NRXN3: variants seen among roughly 807,000 people sequenced by gnomAD.
The protein encoded by NRXN3 is neurexin III.
Under a neutral mutation model 137.6 loss-of-function variants are expected in NRXN3, and 32 were observed. That is an observed-to-expected ratio of 0.23 (90% CI 0.18 to 0.31). The LOEUF (loss-of-function observed/expected upper bound fraction) is 0.31, where lower values mean the gene tolerates loss of function less well. Among genes scored for constraint, NRXN3 ranks in the 10% least tolerant of loss-of-function variants. The pLI is 1.00. For missense variants in NRXN3, 1,574 were observed against 2,062.5 expected (o/e 0.76, Z 4.59); for synonymous variants, 798 against 784.5 (o/e 1.02, Z -0.29).
At chr14:78,585,903 T>C (rs2097057512) in intron 4 of NRXN3, among the ~76,000 whole-genome samples, 1 of 152,202 alleles carries the variant, frequency 6.6e-6, no homozygotes, top group Non-Finnish European at 1.5e-5. Context: ...GCTAGAATTA[T>C]GGATTTGAGA....
At chr14:78,468,779 T>C (rs923420125) in intron 4 of NRXN3, among the ~76,000 whole-genome samples, 1 of 152,156 alleles carries the variant, frequency 6.6e-6, no homozygotes, top group Non-Finnish European at 1.5e-5. Flanking sequence ...TTGAAATCTA[T>C]TAGGAAGTGA....
At chr14:79,835,928 G>T (rs918169629) in intron 20 of NRXN3, among the ~76,000 whole-genome samples, 2 of 152,116 alleles carry the variant, frequency 1.3e-5, no homozygotes, top group African/African-American at 4.8e-5. Flanking sequence ...TTGGCCACTG[G>T]TAGGAGGATG....
At chr14:79,834,628 A>G (rs2099331946) in intron 20 of NRXN3, among the ~76,000 whole-genome samples, 1 of 152,126 alleles carries the variant, frequency 6.6e-6, no homozygotes, top group South Asian at 2.1e-4. Flanking sequence ...GGGGCTAGTG[A>G]AATATTTGCC....
At chr14:78,460,559 G>T (rs1458795140) in intron 4 of NRXN3, among the ~76,000 whole-genome samples, 1 of 152,204 alleles carries the variant, frequency 6.6e-6, no homozygotes, top group East Asian at 1.9e-4. Context: ...GGGGTGGAGA[G>T]TGAGGAGTTG....
chr14:79,507,369 A>G (rs1208361933), intron 16 of NRXN3, among the ~76,000 whole-genome samples: 4 of 152,244 alleles, frequency 2.6e-5, no homozygotes, highest in Non-Finnish European at 5.9e-5. Flanking sequence ...AACTCTCTGT[A>G]CTATTTTGCA....
chr14:78,930,318 A>G (rs1456707575), intron 10 of NRXN3, among the ~76,000 whole-genome samples: 2 of 152,232 alleles, frequency 1.3e-5, no homozygotes, highest in Non-Finnish European at 2.9e-5. Flanking sequence ...AAGAAAATCC[A>G]TGTTCCTGGC....
intron 19 of NRXN3, among the ~76,000 whole-genome samples, chr14:79,777,212 C>T (rs753308381): frequency 8.5e-5 from 13 of 152,152 alleles, no homozygotes; most frequent in Non-Finnish European, 1.6e-4. Context: ...TTGTCTCCTT[C>T]TTTAAAGTAC....
At chr14:78,552,454 T>C (rs747963181) in intron 4 of NRXN3, among the ~76,000 whole-genome samples, 9 of 152,136 alleles carry the variant, frequency 5.9e-5, no homozygotes, top group Non-Finnish European at 1.2e-4. Flanking sequence ...CCCAGCTGCC[T>C]CTAACTGTGG....
intron 15 of NRXN3, among the ~76,000 whole-genome samples, chr14:79,466,267 G>A (rs1018003819): frequency 6.6e-6 from 1 of 151,892 alleles, no homozygotes; most frequent in African/African-American, 2.4e-5. Flanking sequence ...ACCACCACTA[G>A]GGAACAAAAA....
intron 15 of NRXN3, among the ~76,000 whole-genome samples, chr14:79,241,217 C>T (rs1393213038): frequency 6.6e-6 from 1 of 152,086 alleles, no homozygotes; most frequent in Non-Finnish European, 1.5e-5. Context: ...TCAAGAAAGA[C>T]CAACATCAGA....
chr14:79,855,464 C>G (rs920443814), intron 20 of NRXN3, among the ~76,000 whole-genome samples: 1 of 151,992 alleles, frequency 6.6e-6, no homozygotes, highest in South Asian at 2.1e-4. Context: ...TATTTTAGGT[C>G]TAAAACTTAG....
At chr14:79,668,284 C>T (rs987664773) in intron 17 of NRXN3, among the ~76,000 whole-genome samples, 2 of 152,038 alleles carry the variant, frequency 1.3e-5, no homozygotes, top group African/African-American at 4.8e-5. Flanking sequence ...GAAAACATTG[C>T]TATGGTACTT....
In NRXN3 at chr14:79,613,317, G is replaced by A. The variant is rs1160620884; in HGVS notation, c.3445-50461G>A. On this transcript the variant is annotated intron_variant, in intron 16 of 20. Transcript: ENST00000335750. ...ATTTATGCCACTATTTTATGTTATC[G>A]TTGTTACAGTGAGTACAATTTTTAA... is the stretch of plus-strand genomic sequence containing the variant. Among the ~76,000 whole-genome samples, 87 of 152,198 alleles carry A rather than the reference G, an allele frequency of 5.7e-4. 3 individuals are homozygous for A. Among genetic ancestry groups the A allele is most frequent in the Admixed American group, 5.7e-3 (87 of 15,280 alleles).
chr14:79,175,465 T>G (rs8019477), intron 15 of NRXN3, among the ~76,000 whole-genome samples: 43,104 of 152,194 alleles, frequency 0.28, 6,641 homozygotes, highest in Non-Finnish European at 0.35. Context: ...AACTTACAAG[T>G]ATCCATTGCA....
At chr14:78,971,113 G>A (rs932314241) in intron 14 of NRXN3, among the ~76,000 whole-genome samples, 2 of 152,118 alleles carry the variant, frequency 1.3e-5, no homozygotes, top group African/African-American at 4.8e-5. Flanking sequence ...GCCCTTGCAA[G>A]AGATCCCAGG....
chr14:78,935,558 A>G (rs758126924), intron 10 of NRXN3, among the ~76,000 whole-genome samples: 1 of 152,214 alleles, frequency 6.6e-6, no homozygotes, highest in African/African-American at 2.4e-5. Flanking sequence ...TGCTATGTAC[A>G]CAGTTGTTAC....
At chr14:79,839,957 A>C (rs1159610068) in intron 20 of NRXN3, among the ~76,000 whole-genome samples, 1 of 151,394 alleles carries the variant, frequency 6.6e-6, no homozygotes, top group Non-Finnish European at 1.5e-5. Context: ...CCCTTGTAAC[A>C]TTTCTGGAAG....
intron 11 of NRXN3, among the ~76,000 whole-genome samples, chr14:78,960,897 T>G (rs1278185954): frequency 6.6e-6 from 1 of 152,158 alleles, no homozygotes; most frequent in Admixed American, 6.6e-5. Flanking sequence ...AAAATAGGAT[T>G]GAGGAGTGTG....
intron 1 of NRXN3, among the ~76,000 whole-genome samples, chr14:78,228,166 T>C (rs902543824): frequency 6.6e-6 from 1 of 150,378 alleles, no homozygotes; most frequent in African/African-American, 2.4e-5. Context: ...TCTTTTTTTT[T>C]TTTTTTTTTG....
Sources: gnomAD v4.1 joint callset for allele counts (sites outside exome capture counted in the v4.1 genomes callset) on GRCh38, gnomAD v4.1.1 for gene constraint, MANE v1.5 for transcripts, NCBI Gene and HGNC (gene_info 2026-07-23, HGNC 2026-07-21) for gene names.